EIF5B: variants seen among roughly 807,000 people sequenced by gnomAD.
The protein encoded by EIF5B is eIF-5B.
In EIF5B, 47 loss-of-function variants were observed where a neutral mutation model predicts 147.5. The observed-to-expected ratio is 0.32, with a 90% CI of 0.25 to 0.41. EIF5B has a LOEUF of 0.41. Among genes scored for constraint, EIF5B ranks in the 10% least tolerant of loss-of-function variants. EIF5B has a pLI of 1.00. For synonymous variants in EIF5B, 455 were observed against 456.2 expected (o/e 1.00, Z 0.03); for missense variants, 1,064 against 1,413.2 (o/e 0.75, Z 3.96).
At chr2:99,358,587 T>C (rs11123784) in intron 1 of EIF5B, among the ~76,000 whole-genome samples, 126,630 of 152,154 alleles carry the variant, frequency 0.83, 53,272 homozygotes, top group Middle Eastern at 0.98. Flanking sequence ...CTGCCTGGCT[T>C]CCCCCTCAGT....
In EIF5B at chr2:99,398,896, T is replaced by C. The variant is rs373775429; in HGVS notation, c.3542T>C (p.Ile1181Thr). 6.2e-7 allele frequency: 1 copy of C among 1,612,816 alleles called. No individual in the cohort carries two copies. The highest frequency in any genetic ancestry group is 8.5e-7 in the Non-Finnish European group (1 of 1,179,756). ...MFGRHFEATD[I>T]LVSKISRQSI... ...GGAAGACATTTTGAAGCTACAGATATTCTTGTTAGTAAGGTAAGTATTTCA... is the reference window on the plus strand; with the variant it reads ...GGAAGACATTTTGAAGCTACAGATACTCTTGTTAGTAAGGTAAGTATTTCA... Residue 1181 changes from isoleucine (I) to threonine (T), a missense_variant, in exon 23 of 24, where the codon ATT (isoleucine) becomes ACT (threonine). Physicochemically the swap from Ile to Thr is moderately conservative, Grantham distance 89 (BLOSUM62 -1). Coordinates refer to ENST00000289371, the MANE Select transcript of EIF5B (RefSeq NM_015904.4).
intron 1 of EIF5B, among the ~76,000 whole-genome samples, chr2:99,348,513 G>A (rs1019723385): frequency 6.6e-6 from 1 of 152,140 alleles, no homozygotes; most frequent in African/African-American, 2.4e-5. Flanking sequence ...TGAAGACTGG[G>A]GAAATGAGAT....
chr2:99,390,767 A>T, intron 17 of EIF5B, 62 bp downstream of exon 17: 1 of 1,502,944 alleles, frequency 6.7e-7, no homozygotes, highest in Non-Finnish European at 9.0e-7. Context: ...AGTTCTGCTG[A>T]GATGGTTTCC....
In EIF5B at chr2:99,337,578, G is replaced by C. The variant is rs752474657; in HGVS notation, c.24G>C (p.Lys8Asn). Residue 8 changes from lysine to asparagine, a missense_variant, in exon 1 of 24, where the codon AAG becomes AAC. By Grantham distance (94) the Lys-to-Asn change is moderately conservative. Around this residue, in one of 4 missense-constraint regions of EIF5B, gnomAD observed 458 missense variants for 451.3 expected, o/e 1.01. Coordinates refer to ENST00000289371, the MANE Select transcript of EIF5B (RefSeq NM_015904.4). ...CAATGGGGAAGAAACAGAAAAACAAGAGCGAAGACAGGTAGATAGGGGTTG... is the reference window on the plus strand; with the variant it reads ...CAATGGGGAAGAAACAGAAAAACAACAGCGAAGACAGGTAGATAGGGGTTG... MGKKQKN[K>N]SEDSTKDDID... is the part of the protein sequence containing the mutation. 3.7e-6 allele frequency: 6 copies of C among 1,613,012 alleles called. No individual in the cohort carries two copies. The Admixed American group carries it at 5.0e-5, about 13-fold the overall frequency.
chr2:99,343,290 C>T (rs1445229806), intron 1 of EIF5B, among the ~76,000 whole-genome samples: 1 of 150,958 alleles, frequency 6.6e-6, no homozygotes, highest in African/African-American at 2.4e-5. Context: ...TGTAAGAGGT[C>T]TTGATATAGT....
chr2:99,344,652 G>T (rs546703368), intron 1 of EIF5B, among the ~76,000 whole-genome samples: 1 of 152,102 alleles, frequency 6.6e-6, no homozygotes, highest in Non-Finnish European at 1.5e-5. Context: ...GGCCAGGCTG[G>T]TCTCAAACTC....
chr2:99,373,369 G>C (rs1559253224), intron 9 of EIF5B, among the ~76,000 whole-genome samples: 1 of 152,184 alleles, frequency 6.6e-6, no homozygotes, highest in East Asian at 1.9e-4. Context: ...CTGCTTCCAA[G>C]ATGGCACCTT....
At chr2:99,345,863 A>G (rs997430779) in intron 1 of EIF5B, among the ~76,000 whole-genome samples, 17 of 150,142 alleles carry the variant, frequency 1.1e-4, no homozygotes, top group African/African-American at 3.7e-4. Flanking sequence ...GGATTGCTGG[A>G]GCCTTGGGAG....
intron 1 of EIF5B, among the ~76,000 whole-genome samples, chr2:99,350,441 A>G (rs1673923181): frequency 6.6e-6 from 1 of 151,898 alleles, no homozygotes; most frequent in Non-Finnish European, 1.5e-5. Flanking sequence ...TATTCTCACC[A>G]TATTATTTTT....
chr2:99,399,262 G>A (rs757476173), intron 23 of EIF5B, 45 bp from the exon 24 acceptor site: 86 of 1,582,302 alleles, frequency 5.4e-5, no homozygotes, highest in Non-Finnish European at 6.8e-5. Context: ...TCTTTGGCAC[G>A]TTTGTTATGT....
At chr2:99,338,084 C>T (rs2094248247) in intron 1 of EIF5B, among the ~76,000 whole-genome samples, 1 of 152,204 alleles carries the variant, frequency 6.6e-6, no homozygotes, top group South Asian at 2.1e-4. Context: ...TTCGCTGTCT[C>T]TCAACTTAAT....
intron 6 of EIF5B, 52 bp from the exon 7 acceptor site, chr2:99,368,441 C>A: frequency 1.6e-6 from 2 of 1,289,292 alleles, no homozygotes; most frequent in Non-Finnish European, 2.3e-6. Flanking sequence ...TAGTACTTCT[C>A]AGGTGACATG....
chr2:99,361,966 G>A, intron 4 of EIF5B, 146 bp downstream of exon 4: 4 of 603,280 alleles, frequency 6.6e-6, no homozygotes, highest in Non-Finnish European at 1.0e-5. Flanking sequence ...TTACGTCTAA[G>A]TATTTGACTT....
chr2:99,392,908 T>C, intron 17 of EIF5B, 59 bp from the exon 18 acceptor site: 1 of 1,327,530 alleles, frequency 7.5e-7, no homozygotes, highest in South Asian at 2.6e-5. Context: ...TCTTATATCA[T>C]CTTCTACTGC....
chr2:99,390,292 A>G lies in EIF5B; in HGVS notation c.2477A>G (p.His826Arg), dbSNP rs1674897192. ...TFVSLVPTSAHTGDGMGSLIY... is the reference protein window; with the variant it reads ...TFVSLVPTSARTGDGMGSLIY... ...GTGTCTTTGGTACCTACCTCTGCAC[A>G]TACTGGTGATGGCATGGGAAGTCTG... Residue 826 changes from histidine (H) to arginine (R), a missense_variant, in exon 16 of 24, where the codon CAT becomes CGT. Coordinates refer to ENST00000289371, the MANE Select transcript of EIF5B (RefSeq NM_015904.4). 3.7e-6 allele frequency: 6 copies of G among 1,614,128 alleles called. No homozygotes were observed. The highest frequency in any genetic ancestry group is 1.1e-5 in the South Asian group (1 of 91,082).
chr2:99,364,315 A>T lies in EIF5B; in HGVS notation c.1182A>T (p.Glu394Asp). The T allele has an allele frequency of 1.2e-6, 2 of 1,606,986 alleles. No individual in the cohort carries two copies. Among genetic ancestry groups the T allele is most frequent in the Non-Finnish European group, 1.7e-6 (2 of 1,178,240 alleles). ...QEKRERKKQK[E>D]KERKERLKKE... ...AAAGAGAAAGGAAAAAGCAAAAAGA[A>T]AAAGAAAGAAAAGAACGCTTGAAAA... The change falls in exon 6 of 24, where the codon GAA becomes GAT. Residue 394 changes from glutamate (E) to aspartate (D), a missense_variant. Physicochemically the swap from Glu to Asp is conservative, Grantham distance 45 (BLOSUM62 2). Coordinates refer to ENST00000289371, the MANE Select transcript of EIF5B (RefSeq NM_015904.4).
chr2:99,398,671 C>T, intron 22 of EIF5B, 77 bp from the exon 23 acceptor site: 1 of 1,440,468 alleles, frequency 6.9e-7, no homozygotes, highest in Non-Finnish European at 9.4e-7. Context: ...CTAGTTCTTA[C>T]TTCAGCTATC....
chr2:99,366,938 T>C (rs1674340174), intron 6 of EIF5B, among the ~76,000 whole-genome samples: 1 of 152,212 alleles, frequency 6.6e-6, no homozygotes, highest in African/African-American at 2.4e-5. Context: ...ATTCAGTGGA[T>C]AAAATACAGT....
At chr2:99,338,925 TA>T (rs2094251152) in intron 1 of EIF5B, among the ~76,000 whole-genome samples, 1 of 46,408 alleles carries the variant, frequency 2.2e-5, no homozygotes, top group African/African-American at 8.7e-5. Flanking sequence ...AGTGTGTGTA[TA>T]TATATATATA....
Sources: allele counts gnomAD v4.1 joint callset (sites outside exome capture counted in the v4.1 genomes callset), GRCh38; gene constraint gnomAD v4.1.1; regional missense constraint gnomAD v4.1.1; transcripts MANE v1.5; gene names NCBI Gene and HGNC (gene_info 2026-07-23, HGNC 2026-07-21).